ATOX1: variants seen among roughly 807,000 people sequenced by gnomAD.
ATOX1 encodes the protein antioxidant 1 copper chaperone, also known as copper transport protein ATOX1.
In ATOX1, 4 loss-of-function variants were observed where a neutral mutation model predicts 7.3. The ratio of observed to expected loss-of-function variants is 0.55; its 90% CI spans 0.27 to 1.25. The LOEUF (loss-of-function observed/expected upper bound fraction) is 1.25, where lower values mean the gene tolerates loss of function less well. ATOX1 is among the 50% of genes most tolerant of loss of function. The pLI is 0.12. For missense variants in ATOX1, 68 were observed against 81.6 expected, an observed-to-expected ratio of 0.83 and a Z score of 0.64; for synonymous variants, 25 against 28.7, an observed-to-expected ratio of 0.87 and a Z score of 0.41.
At chr5:151,752,348 G>A (rs771422143) in intron 1 of ATOX1, 1 of 698,526 alleles carries the variant, frequency 1.4e-6, no homozygotes, top group Admixed American at 2.0e-5. Context: ...GCAGCATCTG[G>A]GTCCAGGGAA....
chr5:151,756,536 G>A (rs1762019363), intron 1 of ATOX1, among the ~76,000 whole-genome samples: 1 of 149,988 alleles, frequency 6.7e-6, no homozygotes, highest in South Asian at 2.1e-4. Flanking sequence ...GCAGTGGCAC[G>A]ATCACGGCTC....
chr5:151,752,575 T>C (rs1212621839), intron 1 of ATOX1: 1 of 511,836 alleles, frequency 2.0e-6, no homozygotes, highest in South Asian at 3.0e-5. Flanking sequence ...TGCTTAAAAC[T>C]TATTTTTGAG....
chr5:151,755,493 C>T (rs183123180), intron 1 of ATOX1, among the ~76,000 whole-genome samples: 1 of 152,278 alleles, frequency 6.6e-6, no homozygotes, highest in Non-Finnish European at 1.5e-5. Flanking sequence ...ACACCGCCAG[C>T]CCTCATAACC....
chr5:151,750,664 G>A (rs1192101035), intron 2 of ATOX1, among the ~76,000 whole-genome samples: 1 of 18,220 alleles, frequency 5.5e-5, no homozygotes, highest in Non-Finnish European at 1.1e-4. Context: ...TTTTTTTTTT[G>A]GAGACAGGGT....
chr5:151,746,676 T>G, intron 2 of ATOX1: 2 of 445,884 alleles, frequency 4.5e-6, no homozygotes, highest in Non-Finnish European at 4.1e-6. Flanking sequence ...TATAACTCTA[T>G]TCCTGAACAT....
intron 2 of ATOX1, 59 bp downstream of exon 2, chr5:151,751,645 A>G (rs376894419): frequency 3.9e-4 from 599 of 1,536,276 alleles, no homozygotes; most frequent in Non-Finnish European, 5.1e-4. Flanking sequence ...TCTCTCCTGC[A>G]ACATCTGCAT....
intron 2 of ATOX1, among the ~76,000 whole-genome samples, chr5:151,751,011 C>T (rs568386537): frequency 6.6e-6 from 1 of 152,016 alleles, no homozygotes; most frequent in Admixed American, 6.5e-5. Context: ...AATCCCAGCA[C>T]TTTGGGAGGC....
At chr5:151,755,806 C>T (rs142101554) in intron 1 of ATOX1, among the ~76,000 whole-genome samples, 1 of 152,262 alleles carries the variant, frequency 6.6e-6, no homozygotes, top group East Asian at 1.9e-4. Context: ...TTGGCTCTAC[C>T]ACCAGATGCA....
chr5:151,746,797 G>C (rs756801686), intron 2 of ATOX1, among the ~76,000 whole-genome samples: 6 of 151,770 alleles, frequency 4.0e-5, no homozygotes, highest in African/African-American at 1.5e-4. Flanking sequence ...GCAGTGGCAT[G>C]ATCTCAGCTC....
intron 1 of ATOX1, among the ~76,000 whole-genome samples, chr5:151,753,441 AT>A (rs1376671346): frequency 6.6e-6 from 1 of 152,224 alleles, no homozygotes; most frequent in Non-Finnish European, 1.5e-5. Flanking sequence ...AAGGTTAGCT[AT>A]TGGATTATTA....
At chr5:151,750,648 T>C (rs1396293814) in intron 2 of ATOX1, among the ~76,000 whole-genome samples, 102 of 140,710 alleles carry the variant, frequency 7.2e-4, no homozygotes, top group African/African-American at 1.5e-3. Context: ...TTCTTTCTTT[T>C]TTTTTTTTTT....
chr5:151,742,971 G>A lies in ATOX1; in HGVS notation c.*47-12C>T, dbSNP rs1353695594. The A allele has an allele frequency of 2.0e-5, 3 of 152,360 alleles. No individual in the cohort carries two copies. The highest frequency in any genetic ancestry group is 1.9e-4 in the East Asian group (1 of 5,208). 9.4% of individuals were successfully genotyped at this position (152,360 alleles called of 1,614,324 possible). On this transcript the variant is annotated splice_polypyrimidine_tract_variant and intron_variant, in intron 3 of 3. Transcript: ENST00000313115. The stretch of plus-strand genomic sequence containing the variant: ...GGAGGATCAGCATCCTAGGAAAGAT[G>A]GAAAGTTAGATGGAACAAAGGTGCC...
intron 2 of ATOX1, among the ~76,000 whole-genome samples, chr5:151,747,046 T>A (rs1466509704): frequency 2.0e-5 from 3 of 151,134 alleles, no homozygotes; most frequent in Non-Finnish European, 4.4e-5. Context: ...CTTTTTTTTT[T>A]AATTGCAAAA....
intron 2 of ATOX1, among the ~76,000 whole-genome samples, chr5:151,750,254 T>TG (rs533097073): frequency 7.7e-4 from 117 of 152,182 alleles, no homozygotes; most frequent in African/African-American, 2.5e-3. Flanking sequence ...TCAAAAGAGG[T>TG]GCTTTAAGAA....
chr5:151,746,579 A>C, intron 2 of ATOX1, 130 bp from the exon 3 acceptor site: 1 of 1,252,520 alleles, frequency 8.0e-7, no homozygotes, highest in Non-Finnish European at 1.1e-6. Context: ...GGGATCGGCA[A>C]ACTTCTTCTG....
rs756176787 is a variant in ATOX1 at position 151,746,300 on chromosome 5, G to C, written c.*25C>G. ...CCACCTGCCCCCTTTGGTCCATCCT[G>C]TGGGCTGTGGGGACCAGGCCCCTGC... On this transcript the variant is annotated 3_prime_UTR_variant, in exon 3 of 4. Transcript: ENST00000313115. The C allele has an allele frequency of 6.2e-7, 1 of 1,611,630 alleles. No homozygotes were observed. The highest frequency in any genetic ancestry group is 1.1e-5 in the South Asian group (1 of 90,970).
chr5:151,748,211 A>C lies in ATOX1; in HGVS notation c.83-1762T>G, dbSNP rs1052835664. ...GGAGGACCCAGAGTTTTACTCTGAC[A>C]AAAGAGTGCAAAAAGAAAGGAAAAC... On this transcript the variant is annotated intron_variant, in intron 2 of 3. Coordinates refer to ENST00000313115, the MANE Select transcript of ATOX1 (RefSeq NM_004045.4). Among the ~76,000 whole-genome samples, 4 of 152,190 alleles carry C rather than the reference A, an allele frequency of 2.6e-5. No individual in the cohort carries two copies. In the East Asian group the frequency reaches 7.7e-4, roughly 29 times the overall value.
chr5:151,747,052 C>T (rs1368600990), intron 2 of ATOX1, among the ~76,000 whole-genome samples: 1 of 147,522 alleles, frequency 6.8e-6, no homozygotes, highest in Non-Finnish European at 1.5e-5. Flanking sequence ...TTTTTAATTG[C>T]AAAAGTAATA....
intron 2 of ATOX1, among the ~76,000 whole-genome samples, chr5:151,750,462 T>A (rs1055750247): frequency 5.0e-5 from 7 of 139,170 alleles, no homozygotes; most frequent in Non-Finnish European, 9.0e-5. Context: ...GCTGAGATCA[T>A]GCCACTGCAC....
Sources: gnomAD v4.1 joint callset for allele counts (sites outside exome capture counted in the v4.1 genomes callset) on GRCh38, gnomAD v4.1.1 for gene constraint, MANE v1.5 for transcripts, NCBI Gene and HGNC (gene_info 2026-07-23, HGNC 2026-07-21) for gene names.